BTD: variants seen among roughly 807,000 people sequenced by gnomAD.
The protein encoded by BTD is biocytinase.
BTD carries 13 observed loss-of-function variants against 17.7 expected under a neutral mutation model. That is an observed-to-expected ratio of 0.74 (90% CI 0.48 to 1.17). The LOEUF is 1.17. Among genes scored for constraint, BTD ranks in the 50% most tolerant of loss-of-function variants. BTD has a pLI of 0.00. For synonymous variants in BTD, 240 were observed against 245.2 expected (o/e 0.98, Z 0.20); for missense variants, 674 against 650.4 (o/e 1.04, Z -0.39).
intron 1 of BTD, among the ~76,000 whole-genome samples, chr3:15,603,564 G>A (rs2064347748): frequency 6.6e-6 from 1 of 152,230 alleles, no homozygotes; most frequent in Non-Finnish European, 1.5e-5. Flanking sequence ...GGCTGAGGCA[G>A]GAGAATGGTG....
rs1300420007 is a variant in BTD at position 15,708,128 on chromosome 3, T to C, written c.400-1932T>C. 5.9e-6 allele frequency: 9 copies of C among 1,513,284 alleles called. No individual in the cohort carries two copies. The South Asian group carries it at 7.3e-5, about 12-fold the overall frequency. 93.7% of individuals were successfully genotyped at this position (1,513,284 alleles called of 1,614,324 possible). A position where few individuals can be genotyped will look rare whatever the true frequency, so the allele number is the denominator to read the frequency against. On this transcript the variant is annotated intron_variant, in intron 3 of 3. Transcript: ENST00000672141. ...GAGACATAACTAGTAAACAAAAGCA[T>C]AGTTGACTCTTACTCCTCCCAGTTA...
rs1433893906 is a variant in BTD, at chr3:15,602,352, C to T, written c.-17+458C>T. 7 of 1,007,240 alleles carry T rather than the reference C, an allele frequency of 6.9e-6. No individual in the cohort carries two copies. In the Admixed American group the frequency reaches 1.5e-4, roughly 22 times the overall value. The allele number at this position is 1,007,240 out of a possible 1,614,324, so 62.4% of individuals were successfully genotyped here. A position where few individuals can be genotyped will look rare whatever the true frequency, so the allele number is the denominator to read the frequency against. ...TTTTCTCCAGCCCTTGCTACTAATC[C>T]ATATTACTCTCCGCTAATATCTTTC... On this transcript the variant is annotated intron_variant, in intron 1 of 3. Transcript: ENST00000643237.
At chr3:15,713,203 G>A (rs2072564693), downstream of BTD, among the ~76,000 whole-genome samples, 1 of 151,944 alleles carries the variant, frequency 6.6e-6, no homozygotes, top group Non-Finnish European at 1.5e-5. Flanking sequence ...AAAAGCATCT[G>A]GCACATACAG....
rs1421341509 is a variant in BTD at position 15,646,184 on chromosome 3, G to T, written c.*696G>T. On this transcript the variant is annotated 3_prime_UTR_variant, in exon 4 of 4. Transcript: ENST00000643237. Reference sequence around the variant, plus strand: ...GAGAGTGCAACGCTTCGGGGTGAAGGGCGGGTGGGGACTGGAAATGTTGAG... The same window carrying T: ...GAGAGTGCAACGCTTCGGGGTGAAGTGCGGGTGGGGACTGGAAATGTTGAG... 9 of 152,270 alleles carry T rather than the reference G, an allele frequency of 5.9e-5. No homozygotes were observed. Among genetic ancestry groups the T allele is most frequent in the Admixed American group, 4.6e-4 (7 of 15,280 alleles). The allele number at this position is 152,270 out of a possible 1,614,324, so 9.4% of individuals were successfully genotyped here.
intron 3 of BTD, among the ~76,000 whole-genome samples, chr3:15,692,626 A>C (rs906512039): frequency 6.6e-6 from 1 of 152,240 alleles, no homozygotes; most frequent in Non-Finnish European, 1.5e-5. Context: ...CTTAAGCCTC[A>C]GATCAGTATG....
intron 3 of BTD, chr3:15,670,164 G>C (rs2066204529): frequency 7.8e-7 from 1 of 1,278,364 alleles, no homozygotes; most frequent in South Asian, 1.5e-5. Flanking sequence ...GCTCACTGTG[G>C]GATCTTTCCT....
intron 1 of BTD, among the ~76,000 whole-genome samples, chr3:15,602,527 C>T (rs1017845297): frequency 5.9e-5 from 9 of 152,114 alleles, no homozygotes; most frequent in African/African-American, 2.2e-4. Context: ...TCATTAGACC[C>T]TCTGCTCAGT....
Position 15,635,478 on chromosome 3 carries a change from CGG to C in BTD, c.40_41del (p.Gly14LeufsTer17), listed in dbSNP as rs765906887. The C allele has an allele frequency of 2.6e-4, 416 of 1,614,208 alleles. No homozygotes were observed. Among genetic ancestry groups the C allele is most frequent in the South Asian group, 8.9e-4 (81 of 91,080 alleles). ...GAAGTAAGCTTGCTCTTTTCCTCTG[CGG>C]CTGTTACGTGGTTGCCCTGGGAGCC... is the stretch of plus-strand genomic sequence containing the variant. ...ARSKLALFLC[G>X]CYVVALGAHT... On this transcript the variant is annotated frameshift_variant, in exon 2 of 4. Transcript: ENST00000643237. LOFTEE classifies it high-confidence loss of function. The surrounding 1 kb of genome is among the most constrained non-coding windows in gnomAD (Gnocchi z 4.1).
intron 1 of BTD, among the ~76,000 whole-genome samples, chr3:15,621,052 A>G (rs555317529): frequency 6.6e-6 from 1 of 152,378 alleles, no homozygotes; most frequent in East Asian, 1.9e-4. Context: ...GGAAGGGTAT[A>G]TCCCAGCTCC....
chr3:15,638,976 G>C (rs73817039), intron 2 of BTD, among the ~76,000 whole-genome samples: 4,213 of 152,286 alleles, frequency 0.028, 184 homozygotes, highest in African/African-American at 0.095. Context: ...TCATCATGCA[G>C]TGCATGACTA....
chr3:15,602,810 G>A (rs2064311489), intron 1 of BTD, among the ~76,000 whole-genome samples: 1 of 152,076 alleles, frequency 6.6e-6, no homozygotes, highest in African/African-American at 2.4e-5. Flanking sequence ...GGAGAGTGAA[G>A]TGGTTGCCTC....
At chr3:15,709,299 G>A (rs1393847094) in intron 3 of BTD, among the ~76,000 whole-genome samples, 4 of 152,116 alleles carry the variant, frequency 2.6e-5, no homozygotes, top group African/African-American at 7.2e-5. Flanking sequence ...ACCAAGAAAT[G>A]ACTTGGAGAA....
chr3:15,701,346 TA>T (rs536513139), intron 3 of BTD, among the ~76,000 whole-genome samples: 6 of 152,046 alleles, frequency 3.9e-5, no homozygotes, highest in Non-Finnish European at 8.8e-5. Context: ...TCAAGCATAA[TA>T]AAAAAAAGAA....
In BTD at chr3:15,650,920, C is replaced by T. The variant is rs1436184945; in HGVS notation, c.*5432C>T. The stretch of plus-strand genomic sequence containing the variant: ...GAGTAGCTGGGACTACAGGCACGTG[C>T]CACCACGCCCAGCTAATTTTTTGTA... On this transcript the variant is annotated 3_prime_UTR_variant, in exon 4 of 4. Transcript: ENST00000643237. 3.9e-5 allele frequency among the ~76,000 whole-genome samples: 6 copies of T among 152,172 alleles called. No homozygotes were observed. The highest frequency in any genetic ancestry group is 3.9e-4 in the Admixed American group (6 of 15,280).
chr3:15,629,627 G>A (rs147073284), intron 1 of BTD, among the ~76,000 whole-genome samples: 3,820 of 152,210 alleles, frequency 0.025, 65 homozygotes, highest in Non-Finnish European at 0.037. Flanking sequence ...GAGTTCAAGC[G>A]ATTCTCCTGC....
At chr3:15,702,642 C>A (rs1398360187) in intron 3 of BTD, among the ~76,000 whole-genome samples, 2 of 152,092 alleles carry the variant, frequency 1.3e-5, no homozygotes, top group Admixed American at 1.3e-4. Flanking sequence ...ACTCATGAAC[C>A]CTACTATTTT....
intron 3 of BTD, 170 bp downstream of exon 3, chr3:15,642,227 G>A (rs1180431036): frequency 2.0e-6 from 3 of 1,470,892 alleles, no homozygotes; most frequent in South Asian, 1.4e-5. Context: ...ATTAAAGAAT[G>A]TCTGACGTTA....
chr3:15,654,252 C>T (rs1219753294), downstream of BTD, among the ~76,000 whole-genome samples: 1 of 152,114 alleles, frequency 6.6e-6, no homozygotes, highest in East Asian at 1.9e-4. Flanking sequence ...AGCATGGAGT[C>T]AGGGGAGAGG....
chr3:15,603,722 C>T (rs909898265), intron 1 of BTD, among the ~76,000 whole-genome samples: 1 of 152,094 alleles, frequency 6.6e-6, no homozygotes, highest in Non-Finnish European at 1.5e-5. Flanking sequence ...TTCCTAGATA[C>T]AATGGGTGCA....
Sources: allele counts gnomAD v4.1 joint callset (sites outside exome capture counted in the v4.1 genomes callset), GRCh38; gene constraint gnomAD v4.1.1; non-coding constraint Gnocchi (gnomAD v3.1); transcripts MANE v1.5; gene names NCBI Gene and HGNC (gene_info 2026-07-23, HGNC 2026-07-21).